Variants in CSMD1 observed in about 807,000 individuals in gnomAD.
CSMD1 encodes the protein CUB and Sushi multiple domains 1, also known as CUB and sushi domain-containing protein 1.
CSMD1 carries 213 observed loss-of-function variants against 417.5 expected under a neutral mutation model. The ratio of observed to expected loss-of-function variants is 0.51; its 90% CI spans 0.46 to 0.57. The LOEUF (loss-of-function observed/expected upper bound fraction) is 0.57, where lower values mean the gene tolerates loss of function less well. CSMD1 is among the 20% of genes least tolerant of loss of function. The probability of loss-of-function intolerance (pLI) is 0.00; values close to 1 mark genes in which losing one functional copy is unlikely to be tolerated. For missense variants in CSMD1, 6,923 were observed against 4,529.7 expected, an observed-to-expected ratio of 1.53 and a Z score of -15.17; for synonymous variants, 2,862 against 1,736.8, an observed-to-expected ratio of 1.65 and a Z score of -16.11.
intron 41 of CSMD1, among the ~76,000 whole-genome samples, chr8:3,139,293 G>A (rs2129030191): frequency 6.6e-6 from 1 of 152,292 alleles, no homozygotes; most frequent in Admixed American, 6.5e-5. Flanking sequence ...GGAAATATAG[G>A]AGGATTCCAA....
intron 10 of CSMD1, among the ~76,000 whole-genome samples, chr8:3,526,479 A>G (rs1482929954): frequency 6.6e-6 from 1 of 152,138 alleles, no homozygotes; most frequent in Non-Finnish European, 1.5e-5. Context: ...TATTCTGTAG[A>G]ATTTGCTCTC....
At chr8:3,383,318 G>A (rs117066862) in intron 18 of CSMD1, among the ~76,000 whole-genome samples, 129 of 152,242 alleles carry the variant, frequency 8.5e-4, no homozygotes, top group Non-Finnish European at 1.4e-3. Context: ...AAAGTTTTTA[G>A]GAGAGAACAA....
intron 26 of CSMD1, among the ~76,000 whole-genome samples, chr8:3,276,216 G>C (rs2117186225): frequency 6.6e-6 from 1 of 152,282 alleles, no homozygotes; most frequent in East Asian, 1.9e-4. Context: ...CCCCTGCTGG[G>C]AGGTGCCTCT....
Position 3,930,119 on chromosome 8 carries a change from C to A in CSMD1, c.818+67784G>T, listed in dbSNP as rs1490778134. Among the ~76,000 whole-genome samples, 2 of 150,060 alleles carry A rather than the reference C, an allele frequency of 1.3e-5. 1 individual carries two copies. The highest frequency in any genetic ancestry group is 3.0e-5 in the Non-Finnish European group (2 of 67,468). On this transcript the variant is annotated intron_variant, in intron 5 of 69. Transcript: ENST00000635120. ...TATCTTTATTTGGTACTGGGAAAAC[C>A]TACAAAAGCAGTACCCTACCATTGT...
At chr8:4,351,817 G>C (rs992086823) in intron 3 of CSMD1, among the ~76,000 whole-genome samples, 1 of 152,114 alleles carries the variant, frequency 6.6e-6, no homozygotes, top group Non-Finnish European at 1.5e-5. Flanking sequence ...AAAAGGAGCA[G>C]AGCAACACAC....
intron 1 of CSMD1, among the ~76,000 whole-genome samples, chr8:4,670,037 C>A (rs143775643): frequency 6.6e-6 from 1 of 152,158 alleles, no homozygotes; most frequent in African/African-American, 2.4e-5. Flanking sequence ...ACCATCTGAA[C>A]CCTGCTAGGA....
chr8:2,990,684 C>G (rs1304623825), intron 54 of CSMD1, among the ~76,000 whole-genome samples: 1 of 152,138 alleles, frequency 6.6e-6, no homozygotes, highest in Non-Finnish European at 1.5e-5. Context: ...AGCCTGCTTT[C>G]TGGGGAGAGT....
intron 26 of CSMD1, among the ~76,000 whole-genome samples, chr8:3,241,756 GGAGAT>G (rs1389676872): frequency 5.3e-5 from 8 of 152,110 alleles, no homozygotes; most frequent in Non-Finnish European, 1.2e-4. Context: ...CTTGTGTGCT[GGAGAT>G]GTGGCTGGGG....
intron 5 of CSMD1, among the ~76,000 whole-genome samples, chr8:3,877,897 T>C (rs926658290): frequency 1.3e-5 from 2 of 151,982 alleles, no homozygotes; most frequent in African/African-American, 4.8e-5. Context: ...AAATTGTATC[T>C]TCAAGTAAAT....
At chr8:3,935,019 C>G (rs909328594) in intron 5 of CSMD1, among the ~76,000 whole-genome samples, 1 of 152,156 alleles carries the variant, frequency 6.6e-6, no homozygotes, top group African/African-American at 2.4e-5. Context: ...CATGGAGTAT[C>G]TGAACTCCAA....
intron 3 of CSMD1, among the ~76,000 whole-genome samples, chr8:4,341,462 G>A (rs954820816): frequency 6.6e-6 from 1 of 152,078 alleles, no homozygotes; most frequent in East Asian, 1.9e-4. Flanking sequence ...TTAAGAAGCA[G>A]TATTCTCTGT....
intron 10 of CSMD1, among the ~76,000 whole-genome samples, chr8:3,560,619 T>A (rs1423856479): frequency 6.6e-6 from 1 of 152,144 alleles, no homozygotes; most frequent in Non-Finnish European, 1.5e-5. Flanking sequence ...AAAGGGGGAA[T>A]GAGATGGCGG....
At chr8:3,315,810 T>C (rs1288652372) in intron 23 of CSMD1, among the ~76,000 whole-genome samples, 2 of 152,148 alleles carry the variant, frequency 1.3e-5, no homozygotes, top group Non-Finnish European at 2.9e-5. Flanking sequence ...TCAAGCAAAC[T>C]TTTAATAAAT....
At chr8:4,326,722 A>T (rs1799583755) in intron 3 of CSMD1, among the ~76,000 whole-genome samples, 1 of 152,140 alleles carries the variant, frequency 6.6e-6, no homozygotes, top group Admixed American at 6.6e-5. Flanking sequence ...GTAACACCAA[A>T]TGGGGACTTG....
At chr8:3,187,790 T>C in intron 36 of CSMD1, 79 bp downstream of exon 36, 2 of 991,428 alleles carry the variant, frequency 2.0e-6, no homozygotes, top group Non-Finnish European at 3.1e-6. Context: ...CTATGTGGAG[T>C]GTTTGCTGTT....
rs142868300 is a variant in CSMD1 at position 4,169,165 on chromosome 8, T to C, written c.416-137066A>G. ...GCCCAGCTTAATGGTGTAAACACCG[T>C]CTCTACGGTTTCAGAATGTTAACAT... On this transcript the variant is annotated intron_variant, in intron 3 of 69. Transcript: ENST00000635120. Among the ~76,000 whole-genome samples, 1,213 of 152,288 alleles carry C rather than the reference T, an allele frequency of 8.0e-3. 13 individuals are homozygous for C. The highest frequency in any genetic ancestry group is 0.027 in the African/African-American group (1,141 of 41,544).
chr8:3,456,233 G>A (rs539244462), intron 12 of CSMD1, among the ~76,000 whole-genome samples: 6 of 152,068 alleles, frequency 3.9e-5, no homozygotes, highest in Non-Finnish European at 4.4e-5. Context: ...ACTAGGAAAG[G>A]GAATTCCCTG....
intron 5 of CSMD1, among the ~76,000 whole-genome samples, chr8:3,903,772 G>C (rs1265558530): frequency 1.3e-5 from 2 of 152,098 alleles, no homozygotes; most frequent in African/African-American, 4.8e-5. Context: ...TCCCAATTGA[G>C]TCCACATTTG....
chr8:3,254,197 T>C (rs1327772713), intron 26 of CSMD1, among the ~76,000 whole-genome samples: 2 of 152,198 alleles, frequency 1.3e-5, no homozygotes, highest in African/African-American at 4.8e-5. Context: ...ATGTGGAATA[T>C]TGGCCCCCAC....
Sources: allele counts gnomAD v4.1 joint callset (sites outside exome capture counted in the v4.1 genomes callset), GRCh38; gene constraint gnomAD v4.1.1; transcripts MANE v1.5; gene names NCBI Gene and HGNC (gene_info 2026-07-23, HGNC 2026-07-21).